Variants in SLIT2 observed in about 807,000 individuals in gnomAD.
SLIT2 encodes slit guidance ligand 2.
SLIT2 carries 41 observed loss-of-function variants against 185.7 expected under a neutral mutation model. The ratio of observed to expected loss-of-function variants is 0.22; its 90% confidence interval spans 0.17 to 0.29. The LOEUF (loss-of-function observed/expected upper bound fraction) is 0.29. SLIT2 is among the 10% of genes least tolerant of loss of function. The pLI is 1.00. For missense variants in SLIT2, 1,571 were observed against 1,909.0 expected, an observed-to-expected ratio of 0.82 and a Z score of 3.30; for synonymous variants, 693 against 680.2, an observed-to-expected ratio of 1.02 and a Z score of -0.29.
At chr4:20,606,386 G>T (rs1728797136) in intron 33 of SLIT2, among the ~76,000 whole-genome samples, 1 of 151,844 alleles carries the variant, frequency 6.6e-6, no homozygotes, top group Admixed American at 6.6e-5. Flanking sequence ...GGAAGCTGAG[G>T]CAGCAGGATC....
At chr4:20,559,933 T>A (rs1724562566) in intron 26 of SLIT2, among the ~76,000 whole-genome samples, 1 of 151,964 alleles carries the variant, frequency 6.6e-6, no homozygotes, top group South Asian at 2.1e-4. Context: ...TTACTAGAAA[T>A]ATTTACTTGT....
chr4:20,567,632 T>G lies in SLIT2; in HGVS notation c.2948+17T>G. Reference sequence around the variant, plus strand: ...TGGATTCTGGTAGGTCATTAGTCTATGACCATCTGTGTCTGAAGTATTGGA... The same window carrying G: ...TGGATTCTGGTAGGTCATTAGTCTAGGACCATCTGTGTCTGAAGTATTGGA... On this transcript the variant is annotated intron_variant, in intron 28 of 36. Transcript: ENST00000504154. The G allele has an allele frequency of 6.4e-7, 1 of 1,558,364 alleles. No individual in the cohort carries two copies. The highest frequency in any genetic ancestry group is 8.9e-7 in the Non-Finnish European group (1 of 1,129,248).
chr4:20,580,542 G>A (rs1173087103), intron 29 of SLIT2, among the ~76,000 whole-genome samples: 1 of 152,000 alleles, frequency 6.6e-6, no homozygotes, highest in East Asian at 1.9e-4. Context: ...TCTTCTTCAA[G>A]ACACAGTAGT....
chr4:20,421,284 C>T (rs1257454622), intron 4 of SLIT2, among the ~76,000 whole-genome samples: 1 of 152,136 alleles, frequency 6.6e-6, no homozygotes, highest in African/African-American at 2.4e-5. Context: ...TTGAAAGTGA[C>T]TTTAGTCTGA....
chr4:20,361,681 G>C (rs930150956), intron 4 of SLIT2, among the ~76,000 whole-genome samples: 20 of 151,920 alleles, frequency 1.3e-4, no homozygotes, highest in African/African-American at 4.4e-4. Context: ...CATTAAAATG[G>C]CATATTGAAT....
intron 4 of SLIT2, among the ~76,000 whole-genome samples, chr4:20,418,572 C>A (rs1336553661): frequency 2.0e-5 from 3 of 152,060 alleles, no homozygotes; most frequent in Admixed American, 6.6e-5. Flanking sequence ...CTTTGACAAC[C>A]CACAGTGAAA....
chr4:20,351,427 A>G (rs566557378), intron 4 of SLIT2, among the ~76,000 whole-genome samples: 27 of 152,302 alleles, frequency 1.8e-4, no homozygotes, highest in Non-Finnish European at 2.6e-4. Flanking sequence ...ATTAGGACAT[A>G]GAAAGTAACT....
At chr4:20,384,409 G>A (rs1473198692) in intron 4 of SLIT2, among the ~76,000 whole-genome samples, 1 of 152,078 alleles carries the variant, frequency 6.6e-6, no homozygotes, top group Admixed American at 6.6e-5. Context: ...GAACTTTTTG[G>A]GGTGACAGAA....
intron 4 of SLIT2, among the ~76,000 whole-genome samples, chr4:20,343,027 A>C (rs1300057627): frequency 6.6e-6 from 1 of 151,982 alleles, no homozygotes; most frequent in African/African-American, 2.4e-5. Context: ...ATGTACAATA[A>C]TCAATTCAGG....
chr4:20,527,272 T>C lies in SLIT2; in HGVS notation c.1463-1677T>C, dbSNP rs968560297. 3.3e-5 allele frequency among the ~76,000 whole-genome samples: 5 copies of C among 152,022 alleles called. 1 individual carries two copies. The highest frequency in any genetic ancestry group is 6.5e-5 in the Admixed American group (1 of 15,276). On this transcript the variant is annotated intron_variant, in intron 15 of 36. Coordinates refer to ENST00000504154, the MANE Select transcript of SLIT2 (RefSeq NM_004787.4). ...TACATATTACAGTGATAAAAGAAAA[T>C]CTGTCTTGCAGAGAGTTCATCTTTT... is the stretch of plus-strand genomic sequence containing the variant.
chr4:20,555,201 T>C (rs759087197), intron 26 of SLIT2, among the ~76,000 whole-genome samples: 2 of 152,156 alleles, frequency 1.3e-5, no homozygotes, highest in Non-Finnish European at 2.9e-5. Context: ...CTAGGTGTTA[T>C]GGAGCATAGA....
intron 4 of SLIT2, among the ~76,000 whole-genome samples, chr4:20,385,123 A>G (rs1724831255): frequency 2.0e-5 from 3 of 152,248 alleles, no homozygotes; most frequent in African/African-American, 2.4e-5. Flanking sequence ...AGAGGACCTC[A>G]TTGGGAAGAG....
Position 20,620,300 on chromosome 4 carries a change from T to G in SLIT2, c.*1291T>G, listed in dbSNP as rs1312563235. The G allele has an allele frequency of 5.3e-6, 2 of 376,822 alleles. No homozygotes were observed. Among genetic ancestry groups the G allele is most frequent in the East Asian group, 7.9e-5 (1 of 12,584 alleles). The allele number at this position is 376,822 out of a possible 1,614,324, so 23.3% of individuals were successfully genotyped here. On this transcript the variant is annotated 3_prime_UTR_variant, in exon 37 of 37. Coordinates refer to ENST00000504154, the MANE Select transcript of SLIT2 (RefSeq NM_004787.4). ...CTTTCCCTCAAACAATAAAACTCCT[T>G]TATTATCTTAATGCTCCCATGTTAA...
intron 4 of SLIT2, among the ~76,000 whole-genome samples, chr4:20,388,851 T>C (rs1234960956): frequency 7.0e-6 from 1 of 143,586 alleles, no homozygotes; most frequent in East Asian, 2.0e-4. Context: ...ATAAAATATG[T>C]ATTATATATA....
intron 33 of SLIT2, among the ~76,000 whole-genome samples, chr4:20,603,135 C>G (rs1728531217): frequency 6.6e-6 from 1 of 152,042 alleles, no homozygotes. Flanking sequence ...GCTAGGGAGG[C>G]CTCACAATCA....
intron 4 of SLIT2, among the ~76,000 whole-genome samples, chr4:20,323,141 C>A (rs551694921): frequency 5.9e-5 from 9 of 152,272 alleles, no homozygotes; most frequent in African/African-American, 2.2e-4. Flanking sequence ...GAGCAGGAAT[C>A]TCCTATCTAG....
intron 33 of SLIT2, among the ~76,000 whole-genome samples, chr4:20,600,932 T>C (rs907834245): frequency 6.6e-6 from 1 of 151,110 alleles, no homozygotes; most frequent in African/African-American, 2.4e-5. Context: ...TAGAATATTA[T>C]TTTTATATTG....
At chr4:20,393,134 G>A (rs1052357428) in intron 4 of SLIT2, among the ~76,000 whole-genome samples, 2 of 151,936 alleles carry the variant, frequency 1.3e-5, no homozygotes, top group African/African-American at 4.8e-5. Flanking sequence ...AATTTTTCAG[G>A]TCCATTATAA....
intron 33 of SLIT2, among the ~76,000 whole-genome samples, chr4:20,600,163 ATTTAT>A (rs1728296793): frequency 1.3e-5 from 2 of 151,838 alleles, no homozygotes; most frequent in South Asian, 4.1e-4. Context: ...TTTTTTTTTA[ATTTAT>A]TTTATGTAAT....
Sources: gnomAD v4.1 joint callset for allele counts (sites outside exome capture counted in the v4.1 genomes callset) on GRCh38, gnomAD v4.1.1 for gene constraint, MANE v1.5 for transcripts, NCBI Gene and HGNC (gene_info 2026-07-23, HGNC 2026-07-21) for gene names.